The following LTBP4 variants were observed in gnomAD, a reference collection of about 807,000 sequenced individuals.
LTBP4 encodes latent-transforming growth factor beta-binding protein 4.
LTBP4 carries 93 observed loss-of-function variants against 180.2 expected under a neutral mutation model. That is an observed-to-expected ratio of 0.52 (90% CI 0.44 to 0.61). The LOEUF is 0.61. Ranked by LOEUF, LTBP4 falls within the 20% of genes least tolerant of loss-of-function variation. The pLI, the probability that LTBP4 is intolerant of heterozygous loss-of-function variation, is 0.00. For missense variants in LTBP4, 2,116 were observed against 2,256.5 expected, an observed-to-expected ratio of 0.94 and a Z score of 1.26; for synonymous variants, 947 against 934.5, an observed-to-expected ratio of 1.01 and a Z score of -0.24.
At chr19:40,627,590 G>T in intron 28 of LTBP4, 115 bp from the exon 29 acceptor site, 1 of 1,396,792 alleles carries the variant, frequency 7.2e-7, no homozygotes, top group Non-Finnish European at 9.6e-7. Context: ...CACAGCCCTG[G>T]AGCGGGATGG....
At chr19:40,608,179 C>A (rs142610177) in intron 7 of LTBP4, 41 bp from the exon 8 acceptor site, 12 of 1,611,586 alleles carry the variant, frequency 7.4e-6, no homozygotes, top group Non-Finnish European at 1.0e-5. Context: ...GTTTTCTTCC[C>A]GCTCTCTTGT....
chr19:40,601,781 G>A, intron 1 of LTBP4, 144 bp downstream of exon 1: 2 of 715,984 alleles, frequency 2.8e-6, no homozygotes, highest in Middle Eastern at 8.9e-4. Context: ...TTTGAGGAAG[G>A]GGGCCCCAAA....
intron 1 of LTBP4, among the ~76,000 whole-genome samples, chr19:40,594,719 G>A (rs1421737923): frequency 2.6e-5 from 4 of 152,144 alleles, no homozygotes; most frequent in Admixed American, 6.5e-5. Flanking sequence ...TGTGAGTGCC[G>A]TCGTCACCTG....
In LTBP4 at chr19:40,609,606, C is replaced by T; in HGVS notation, c.1503C>T (p.Tyr501=). Residue 501 remains tyrosine (Y), a synonymous_variant, in exon 10 of 30, where the codon TAC becomes TAT. Transcript: ENST00000396819. The surrounding 1 kb of genome is among the most constrained non-coding windows in gnomAD (Gnocchi z 4.9). ...GCTGCATTTCCCGGCCCAGCGGCTACACCTGCGCTTGCGACTCTGGCTTCC... is the reference window on the plus strand; with the variant it reads ...GCTGCATTTCCCGGCCCAGCGGCTATACCTGCGCTTGCGACTCTGGCTTCC... The part of the protein sequence containing the change: ...PGRCISRPSG[Y]TCACDSGFRL... The T allele has an allele frequency of 6.2e-7, 1 of 1,613,400 alleles. No homozygotes were observed. Among genetic ancestry groups the T allele is most frequent in the Non-Finnish European group, 8.5e-7 (1 of 1,179,844 alleles).
intron 1 of LTBP4, among the ~76,000 whole-genome samples, chr19:40,595,066 T>G (rs938163213): frequency 1.3e-5 from 2 of 151,818 alleles, no homozygotes; most frequent in African/African-American, 4.8e-5. Context: ...GCTACAGAAC[T>G]GGGAAGCTTA....
Position 40,611,426 on chromosome 19 carries a change from ACT to A in LTBP4, c.2053+33_2053+34del, listed in dbSNP as rs1253425599. The A allele has an allele frequency of 6.3e-7, 1 of 1,584,244 alleles. No homozygotes were observed. The highest frequency in any genetic ancestry group is 8.6e-7 in the Non-Finnish European group (1 of 1,168,960). On this transcript the variant is annotated intron_variant, in intron 13 of 29. Coordinates refer to ENST00000396819, the MANE Select transcript of LTBP4 (RefSeq NM_001042545.2). This position sits in a 1 kb window ranked among gnomAD's most constrained non-coding sequence, Gnocchi z 4.4. ...GTGCTGAGCCCAGCCCTACTCCATC[ACT>A]GTTTGCTGTGGAGACTGGAGAGAGA... is the stretch of plus-strand genomic sequence containing the variant.
intron 18 of LTBP4, 93 bp from the exon 19 acceptor site, chr19:40,614,222 C>T: frequency 4.0e-6 from 6 of 1,507,376 alleles, no homozygotes; most frequent in Non-Finnish European, 5.4e-6. Context: ...TCTGCTTCCC[C>T]GGCCTCCCCC....
intron 27 of LTBP4, among the ~76,000 whole-genome samples, chr19:40,626,395 C>T (rs184532814): frequency 8.5e-5 from 13 of 152,228 alleles, no homozygotes; most frequent in African/African-American, 3.1e-4. Flanking sequence ...CCCAGACCCC[C>T]TGGTCACAGC....
chr19:40,610,961 G>A (rs1377642371), intron 12 of LTBP4, 191 bp from the exon 13 acceptor site: 3 of 803,396 alleles, frequency 3.7e-6, no homozygotes, highest in African/African-American at 1.7e-5. Context: ...GCCTTCTCAT[G>A]GGGACTACAG....
In LTBP4 at chr19:40,611,483, G is replaced by T; in HGVS notation, c.2053+89G>T. On this transcript the variant is annotated intron_variant, in intron 13 of 29. Transcript: ENST00000396819. This position sits in a 1 kb window ranked among gnomAD's most constrained non-coding sequence, Gnocchi z 4.4. ...TGAGGGGCAGAGAGGCAGAGTGATG[G>T]GGCTCAGGGATGGAGAACAGGGGCT... is the stretch of plus-strand genomic sequence containing the variant. The T allele has an allele frequency of 6.6e-7, 1 of 1,511,290 alleles. No homozygotes were observed. The highest frequency in any genetic ancestry group is 8.8e-7 in the Non-Finnish European group (1 of 1,131,876). The allele number at this position is 1,511,290 out of a possible 1,614,324, so 93.6% of individuals were successfully genotyped here.
At position 40,622,748 on chromosome 19, in the gene LTBP4, A is replaced by G. The variant is rs146326900; in HGVS notation, c.3484+81A>G. On this transcript the variant is annotated intron_variant, in intron 23 of 29. Coordinates refer to ENST00000396819, the MANE Select transcript of LTBP4 (RefSeq NM_001042545.2). The surrounding 1 kb of genome is among the most constrained non-coding windows in gnomAD (Gnocchi z 5.1). Reference sequence around the variant, plus strand: ...GGGGTGTGGGCCTGGGACAGGGGACACTTTTGGACAGGGCCTTGAGGTACT... The same window carrying G: ...GGGGTGTGGGCCTGGGACAGGGGACGCTTTTGGACAGGGCCTTGAGGTACT... 8.3e-4 allele frequency: 1,247 copies of G among 1,493,868 alleles called. 10 individuals carry two copies. In the African/African-American group the frequency reaches 0.014, roughly 17 times the overall value. 92.5% of individuals were successfully genotyped at this position (1,493,868 alleles called of 1,614,324 possible). A position where few individuals can be genotyped will look rare whatever the true frequency, so the allele number is the denominator to read the frequency against.
At position 40,614,016 on chromosome 19, in the gene LTBP4, C is replaced by T. The variant is rs1131623; in HGVS notation, c.2658C>T (p.Gly886=). 6.2e-7 allele frequency: 1 copy of T among 1,613,240 alleles called. No homozygotes were observed. Among genetic ancestry groups the T allele is most frequent in the East Asian group, 2.2e-5 (1 of 44,834 alleles). The change falls in exon 18 of 30, where the codon GGC becomes GGT. Residue 886 remains glycine, a synonymous_variant. Transcript: ENST00000396819. The stretch of plus-strand genomic sequence containing the variant: ...TCTGTCCTCCGGGACACCGCGCTGG[C>T]CCGGACCTCGCCTCCTGCCTCGGTG... ...ECICPPGHRA[G]PDLASCLDVD...
In LTBP4 at chr19:40,611,128, C is replaced by A; in HGVS notation, c.1811-24C>A. On this transcript the variant is annotated intron_variant, in intron 12 of 29. Coordinates refer to ENST00000396819, the MANE Select transcript of LTBP4 (RefSeq NM_001042545.2). The surrounding 1 kb of genome is among the most constrained non-coding windows in gnomAD (Gnocchi z 4.4). Reference sequence around the variant, plus strand: ...CAGGGAGGCAGAGGGGAACAAGTGACCCCGGGCCCCCTGCCCTGTGCAGAT... The same window carrying A: ...CAGGGAGGCAGAGGGGAACAAGTGAACCCGGGCCCCCTGCCCTGTGCAGAT... The A allele has an allele frequency of 6.2e-7, 1 of 1,610,890 alleles. No individual in the cohort carries two copies. The highest frequency in any genetic ancestry group is 1.1e-5 in the South Asian group (1 of 91,006).
At position 40,605,277 on chromosome 19, in the gene LTBP4, T is replaced by A. The variant is rs919523658; in HGVS notation, c.442+51T>A. ...CTCCGACCCCTGTCAAGCATTTCAC[T>A]TTGCCCCTGACCCTCATATTTCCCG... On this transcript the variant is annotated intron_variant, in intron 2 of 29. Transcript: ENST00000396819. The surrounding 1 kb of genome is among the most constrained non-coding windows in gnomAD (Gnocchi z 5.5). 1 of 1,557,978 alleles carries A rather than the reference T, an allele frequency of 6.4e-7. No homozygotes were observed. Among genetic ancestry groups the A allele is most frequent in the African/African-American group, 1.4e-5 (1 of 73,476 alleles).
chr19:40,625,912 C>T lies in LTBP4; in HGVS notation c.3888C>T (p.His1296=), dbSNP rs749205225. 6.2e-7 allele frequency: 1 copy of T among 1,602,642 alleles called. No individual in the cohort carries two copies. Among genetic ancestry groups the T allele is most frequent in the Non-Finnish European group, 8.5e-7 (1 of 1,175,356 alleles). ...QEVGADLVCS[H]PRLDRQATYT... ...TGGGGGCTGACCTCGTGTGCAGCCACCCTCGGCTGGACCGTCAGGCCACCT... is the reference window on the plus strand; with the variant it reads ...TGGGGGCTGACCTCGTGTGCAGCCATCCTCGGCTGGACCGTCAGGCCACCT... Residue 1296 remains histidine (H), a synonymous_variant, in exon 27 of 30, where the codon CAC becomes CAT. Transcript: ENST00000396819.
At chr19:40,614,815 G>A (rs570000130) in intron 19 of LTBP4, among the ~76,000 whole-genome samples, 1 of 152,170 alleles carries the variant, frequency 6.6e-6, no homozygotes, top group South Asian at 2.1e-4. Flanking sequence ...GTTTGGACGT[G>A]CCCTTTCCGC....
In LTBP4 at chr19:40,613,007, G is replaced by A; in HGVS notation, c.2300-58G>A. ...CTCCCCCAGACACCCTACTCCAAGG[G>A]GATTGGTCGGGTGTGTCCCGAGACT... On this transcript the variant is annotated intron_variant, in intron 15 of 29. Transcript: ENST00000396819. The surrounding 1 kb of genome is among the most constrained non-coding windows in gnomAD (Gnocchi z 5.0). The A allele has an allele frequency of 1.3e-6, 2 of 1,566,804 alleles. No homozygotes were observed. The highest frequency in any genetic ancestry group is 1.7e-6 in the Non-Finnish European group (2 of 1,149,918).
upstream of LTBP4, chr19:40,599,985 G>T: frequency 1.5e-6 from 1 of 681,150 alleles, no homozygotes; most frequent in Non-Finnish European, 2.2e-6. Context: ...GCTACTGAAA[G>T]ACATTTTCCT....
In LTBP4 at chr19:40,601,565, C is replaced by A; in HGVS notation, c.178C>A (p.Pro60Thr). Residue 60 changes from proline (P) to threonine (T), a missense_variant, in exon 1 of 30, where the codon CCC becomes ACC. This residue lies in a region of LTBP4 where 469 missense variants were observed against 532.5 expected (regional missense o/e 0.88). Transcript: ENST00000396819. ...TGSRCTPTCA[P>T]RNATSVDSGA... ...CTCCCGCTGTACCCCGACCTGCGCG[C>A]CCCGCAACGCCACCAGCGTGGACAG... 1 of 1,472,752 alleles carries A rather than the reference C, an allele frequency of 6.8e-7. No homozygotes were observed. Among genetic ancestry groups the A allele is most frequent in the Non-Finnish European group, 8.9e-7 (1 of 1,117,608 alleles). The allele number at this position is 1,472,752 out of a possible 1,614,324, so 91.2% of individuals were successfully genotyped here. A position where few individuals can be genotyped will look rare whatever the true frequency, so the allele number is the denominator to read the frequency against.
Sources: allele counts gnomAD v4.1 joint callset (sites outside exome capture counted in the v4.1 genomes callset), GRCh38; gene constraint gnomAD v4.1.1; regional missense constraint gnomAD v4.1.1; non-coding constraint Gnocchi (gnomAD v3.1); transcripts MANE v1.5; gene names NCBI Gene and HGNC (gene_info 2026-07-23, HGNC 2026-07-21).